CFAP68: variants seen among roughly 807,000 people sequenced by gnomAD.
CFAP68 encodes the protein cilia and flagella associated protein 68, also known as cilia- and flagella-associated protein 68.
the CFAP68 span, chr11:111,879,567 G>A: frequency 6.2e-7 from 1 of 1,614,194 alleles, no homozygotes. Flanking sequence ...TGAAATGGCT[G>A]CCTCCCAGTG....
the CFAP68 span, among the ~76,000 whole-genome samples, chr11:111,883,392 C>G: frequency 6.6e-6 from 1 of 152,078 alleles, no homozygotes. Flanking sequence ...GAGTTTGAGA[C>G]CAGCCTGGCC....
chr11:111,882,287 A>C, the CFAP68 span: 1 of 1,172,764 alleles, frequency 8.5e-7, no homozygotes, highest in Non-Finnish European at 1.2e-6. Flanking sequence ...ATACCTGGCT[A>C]TGTAAAACAA....
At chr11:111,879,769 A>G in the CFAP68 span, among the ~76,000 whole-genome samples, 1 of 152,122 alleles carries the variant, frequency 6.6e-6, no homozygotes, top group Non-Finnish European at 1.5e-5. Context: ...AAAACAGGCA[A>G]CTCTGATATG....
the CFAP68 span, chr11:111,882,285 C>T: frequency 8.8e-7 from 1 of 1,131,178 alleles, no homozygotes; most frequent in Middle Eastern, 2.0e-4. Context: ...TTATACCTGG[C>T]TATGTAAAAC....
At chr11:111,881,486 A>G in the CFAP68 span, 1 of 1,536,066 alleles carries the variant, frequency 6.5e-7, no homozygotes, top group Non-Finnish European at 8.7e-7. Flanking sequence ...TGCTTGGAGA[A>G]CTGGGAAAGC....
the CFAP68 span, chr11:111,881,284 G>A: frequency 7.0e-7 from 1 of 1,421,880 alleles, no homozygotes; most frequent in Middle Eastern, 2.6e-4. Flanking sequence ...CAGCTACTCT[G>A]GTCATCATGT....
chr11:111,881,393 T>C, the CFAP68 span: 1 of 1,518,764 alleles, frequency 6.6e-7, no homozygotes, highest in South Asian at 1.2e-5. Context: ...TTATTGGCTT[T>C]GTTTCTGCCT....
At chr11:111,881,212 C>A in the CFAP68 span, 1 of 1,333,100 alleles carries the variant, frequency 7.5e-7, no homozygotes, top group Non-Finnish European at 9.6e-7. Context: ...TCATTCCAGC[C>A]CTAGAGACAG....
chr11:111,882,985 C>T, the CFAP68 span: 6 of 698,852 alleles, frequency 8.6e-6, no homozygotes, highest in African/African-American at 1.8e-5. Context: ...ACGTACAAAA[C>T]ATGTGAAAGT....
At chr11:111,883,648 T>C in the CFAP68 span, 1 of 720,070 alleles carries the variant, frequency 1.4e-6, no homozygotes, top group East Asian at 2.6e-5. Context: ...AACAGGATTT[T>C]TTCTTCAATT....
At chr11:111,882,726 TG>T in the CFAP68 span, 1 of 881,218 alleles carries the variant, frequency 1.1e-6, no homozygotes. Flanking sequence ...GTGAAGTGGT[TG>T]GGGCAGAGGA....
At chr11:111,881,686 C>G in the CFAP68 span, 9 of 1,439,654 alleles carry the variant, frequency 6.3e-6, no homozygotes, top group African/African-American at 1.1e-4. Flanking sequence ...TTTTATCTTA[C>G]CAAAAAAAAT....
At chr11:111,879,980 G>A in the CFAP68 span, among the ~76,000 whole-genome samples, 1 of 152,132 alleles carries the variant, frequency 6.6e-6, no homozygotes. Context: ...GTTGAGTTTG[G>A]CTGAAACACA....
the CFAP68 span, chr11:111,885,286 TG>T: frequency 6.6e-6 from 1 of 152,332 alleles, no homozygotes; most frequent in Non-Finnish European, 1.5e-5. Flanking sequence ...AAAACCAGCC[TG>T]GGCAACATAG....
the CFAP68 span, chr11:111,882,247 C>A: frequency 1.3e-6 from 1 of 767,450 alleles, no homozygotes; most frequent in Non-Finnish European, 2.1e-6. Flanking sequence ...CATAACATAG[C>A]CTGGATCATT....
chr11:111,883,890 C>T, the CFAP68 span: 12 of 1,531,908 alleles, frequency 7.8e-6, no homozygotes, highest in Non-Finnish European at 9.9e-6. Flanking sequence ...AATTGGGCAT[C>T]ACTCAGGATG....
chr11:111,879,718 G>A, the CFAP68 span: 1 of 1,174,272 alleles, frequency 8.5e-7, no homozygotes, highest in African/African-American at 1.5e-5. Flanking sequence ...TGTGGCCTAT[G>A]ATTTCAATGA....
At chr11:111,882,718 G>A in the CFAP68 span, 2 of 950,244 alleles carry the variant, frequency 2.1e-6, no homozygotes, top group Admixed American at 3.0e-5. Flanking sequence ...AGTTTTCAGT[G>A]AAGTGGTTGG....
At chr11:111,882,337 A>G in the CFAP68 span, 69 of 1,576,356 alleles carry the variant, frequency 4.4e-5, 1 homozygote, top group East Asian at 1.5e-3. Flanking sequence ...TGGTTTATGC[A>G]ATAAGCTTTT....
Sources: allele counts gnomAD v4.1 joint callset (sites outside exome capture counted in the v4.1 genomes callset), GRCh38; gene constraint gnomAD v4.1.1; transcripts MANE v1.5; gene names NCBI Gene and HGNC (gene_info 2026-07-23, HGNC 2026-07-21).